Variants in BZW2 observed in about 807,000 individuals in gnomAD.
The protein encoded by BZW2 is eIF5-mimic protein 1.
A neutral mutation model predicts 53.2 loss-of-function variants in BZW2; 23 were observed. The ratio of observed to expected loss-of-function variants is 0.43; its 90% CI spans 0.31 to 0.61. BZW2 has a LOEUF of 0.61. Among genes scored for constraint, BZW2 ranks in the 20% least tolerant of loss-of-function variants. The pLI is 0.09. For synonymous variants in BZW2, 227 were observed against 186.4 expected (o/e 1.22, Z -1.77); for missense variants, 409 against 503.1 (o/e 0.81, Z 1.79).
intron 1 of BZW2, among the ~76,000 whole-genome samples, chr7:16,661,565 A>G (rs899601140): frequency 3.9e-5 from 6 of 152,198 alleles, no homozygotes; most frequent in Non-Finnish European, 1.5e-5. Flanking sequence ...TTCAATTTAC[A>G]CTTAAAATAG....
intron 1 of BZW2, among the ~76,000 whole-genome samples, chr7:16,656,401 C>T (rs181537841): frequency 5.9e-5 from 9 of 152,230 alleles, no homozygotes; most frequent in African/African-American, 2.2e-4. Flanking sequence ...AAGTGTAAAA[C>T]ATCTGGAGTT....
rs754753791 is a variant in BZW2 at position 16,674,486 on chromosome 7, C to G, written c.133C>G (p.Leu45Val). 6.2e-7 allele frequency: 1 copy of G among 1,613,614 alleles called. No individual in the cohort carries two copies. Among genetic ancestry groups the G allele is most frequent in the Non-Finnish European group, 8.5e-7 (1 of 1,179,710 alleles). The part of the protein sequence containing the change: ...VQGLNEAGDD[L>V]EAVAKFLDST... ...GGGGCTTAATGAGGCTGGTGATGAC[C>G]TTGAAGCTGTAGCCAAATTTCTGGA... Residue 45 changes from leucine to valine, a missense_variant, in exon 3 of 12, where the codon CTT becomes GTT. Around this residue, in one of 3 missense-constraint regions of BZW2, gnomAD observed 316 missense variants for 366.8 expected, o/e 0.86. Coordinates refer to ENST00000258761, the MANE Select transcript of BZW2 (RefSeq NM_014038.3).
intron 3 of BZW2, among the ~76,000 whole-genome samples, chr7:16,677,648 G>T (rs1782808196): frequency 6.6e-6 from 1 of 152,144 alleles, no homozygotes; most frequent in Admixed American, 6.5e-5. Context: ...TTCGATTCTG[G>T]AAGAGACAAA....
chr7:16,697,570 T>A (rs1048892331), intron 9 of BZW2, among the ~76,000 whole-genome samples: 1 of 152,190 alleles, frequency 6.6e-6, no homozygotes, highest in Non-Finnish European at 1.5e-5. Context: ...GAGATAAGTA[T>A]TGAATTGAGT....
intron 7 of BZW2, among the ~76,000 whole-genome samples, chr7:16,690,759 G>A (rs757843025): frequency 2.6e-4 from 39 of 152,162 alleles, no homozygotes; most frequent in Non-Finnish European, 4.9e-4. Flanking sequence ...CCATCTTTGT[G>A]TTTTTCTAAG....
intron 2 of BZW2, among the ~76,000 whole-genome samples, chr7:16,669,827 T>C (rs547968141): frequency 6.6e-6 from 1 of 152,220 alleles, no homozygotes; most frequent in Non-Finnish European, 1.5e-5. Context: ...ACAGTTTAAA[T>C]TGGAGACCCT....
intron 4 of BZW2, 104 bp downstream of exon 4, chr7:16,681,508 T>G: frequency 1.0e-6 from 1 of 953,370 alleles, no homozygotes; most frequent in Admixed American, 2.7e-5. Context: ...TAGAAAGCCT[T>G]TAAACTTATG....
chr7:16,666,306 G>A (rs1372708333), intron 2 of BZW2, among the ~76,000 whole-genome samples: 1 of 151,972 alleles, frequency 6.6e-6, no homozygotes, highest in Admixed American at 6.6e-5. Flanking sequence ...CAAACTCCTG[G>A]CCTCAAGCAG....
At chr7:16,699,390 C>T (rs1053072751) in intron 10 of BZW2, among the ~76,000 whole-genome samples, 3 of 152,134 alleles carry the variant, frequency 2.0e-5, no homozygotes, top group Non-Finnish European at 4.4e-5. Context: ...ATAGATGGTA[C>T]CCAGCAGCCA....
chr7:16,679,981 G>A (rs527386502), intron 3 of BZW2, among the ~76,000 whole-genome samples: 3 of 152,242 alleles, frequency 2.0e-5, no homozygotes, highest in African/African-American at 7.2e-5. Context: ...GAAGAAAAAG[G>A]CATCTAATCT....
intron 11 of BZW2, among the ~76,000 whole-genome samples, chr7:16,705,520 C>T (rs1307430133): frequency 6.6e-6 from 1 of 151,352 alleles, no homozygotes; most frequent in African/African-American, 2.4e-5. Context: ...CGTGTCTCTA[C>T]TAAAAATATA....
At position 16,681,332 on chromosome 7, in the gene BZW2, C is replaced by G; in HGVS notation, c.267C>G (p.Asp89Glu). 1.2e-6 allele frequency: 2 copies of G among 1,614,024 alleles called. No individual in the cohort carries two copies. Among genetic ancestry groups the G allele is most frequent in the South Asian group, 2.2e-5 (2 of 91,080 alleles). ...APGGTRIDDG[D>E]KTKMTNHCVF... is the part of the protein sequence containing the mutation. Reference sequence around the variant, plus strand: ...GAGGAACGCGCATAGATGATGGTGACAAGACCAAGATGACCAACCACTGTG... The same window carrying G: ...GAGGAACGCGCATAGATGATGGTGAGAAGACCAAGATGACCAACCACTGTG... The change falls in exon 4 of 12, where the codon GAC (aspartate) becomes GAG (glutamate). Residue 89 changes from aspartate (D) to glutamate (E), a missense_variant. Physicochemically the swap from Asp to Glu is conservative, Grantham distance 45 (BLOSUM62 2). Coordinates refer to ENST00000258761, the MANE Select transcript of BZW2 (RefSeq NM_014038.3).
intron 1 of BZW2, among the ~76,000 whole-genome samples, chr7:16,659,639 GT>G (rs1365554185): frequency 6.6e-5 from 10 of 151,944 alleles, no homozygotes; most frequent in Non-Finnish European, 1.5e-4. Flanking sequence ...AATTTTTAAA[GT>G]TTATTTTAAT....
At position 16,674,553 on chromosome 7, in the gene BZW2, C is replaced by T. The variant is rs1449809604; in HGVS notation, c.200C>T (p.Thr67Ile). ...SRLDYRRYAD[T>I]LFDILVAGSM... ...TTAGATTATCGTCGCTATGCAGACACACTCTTCGATATCCTGGTGGCTGGC... is the reference window on the plus strand; with the variant it reads ...TTAGATTATCGTCGCTATGCAGACATACTCTTCGATATCCTGGTGGCTGGC... The change falls in exon 3 of 12, where the codon ACA (threonine) becomes ATA (isoleucine). Residue 67 changes from threonine to isoleucine, a missense_variant. Around this residue, in one of 3 missense-constraint regions of BZW2, gnomAD observed 316 missense variants for 366.8 expected, o/e 0.86. Transcript: ENST00000258761. The T allele has an allele frequency of 6.2e-7, 1 of 1,608,846 alleles. No individual in the cohort carries two copies. The highest frequency in any genetic ancestry group is 8.5e-7 in the Non-Finnish European group (1 of 1,177,112).
chr7:16,704,546 G>T lies in BZW2; in HGVS notation c.1109-1G>T. On this transcript the variant is annotated splice_acceptor_variant, in intron 10 of 11. Coordinates refer to ENST00000258761, the MANE Select transcript of BZW2 (RefSeq NM_014038.3). LOFTEE classifies it high-confidence loss of function. ...TTGAAATCTTTGATTTAAAATTGCAGCTGATGTTCTGAGCGAAGAAGCAAT... is the reference window on the plus strand; with the variant it reads ...TTGAAATCTTTGATTTAAAATTGCATCTGATGTTCTGAGCGAAGAAGCAAT... The T allele has an allele frequency of 1.3e-6, 2 of 1,521,264 alleles. No homozygotes were observed. The highest frequency in any genetic ancestry group is 1.8e-6 in the Non-Finnish European group (2 of 1,115,794). 94.2% of individuals were successfully genotyped at this position (1,521,264 alleles called of 1,614,324 possible). A position where few individuals can be genotyped will look rare whatever the true frequency, so the allele number is the denominator to read the frequency against.
chr7:16,663,145 A>G (rs571386750), intron 1 of BZW2, among the ~76,000 whole-genome samples: 27 of 152,304 alleles, frequency 1.8e-4, no homozygotes, highest in Admixed American at 3.9e-4. Context: ...ACATCCATCA[A>G]ATGAAATGGG....
intron 1 of BZW2, among the ~76,000 whole-genome samples, chr7:16,661,885 T>C (rs1353237566): frequency 2.0e-5 from 3 of 152,196 alleles, no homozygotes; most frequent in Non-Finnish European, 4.4e-5. Context: ...CATGGGGATT[T>C]GTCTCTGAGG....
intron 1 of BZW2, among the ~76,000 whole-genome samples, chr7:16,647,787 C>A (rs997556245): frequency 2.6e-5 from 4 of 152,172 alleles, no homozygotes; most frequent in African/African-American, 9.7e-5. Flanking sequence ...TGAGTGGTAA[C>A]CTCCTGGAAC....
At chr7:16,700,535 T>TG (rs1260770912) in intron 10 of BZW2, among the ~76,000 whole-genome samples, 6 of 152,200 alleles carry the variant, frequency 3.9e-5, no homozygotes, top group Non-Finnish European at 8.8e-5. Flanking sequence ...CCCAGAGAGC[T>TG]TGTTATAAAA....
Sources: allele counts gnomAD v4.1 joint callset (sites outside exome capture counted in the v4.1 genomes callset), GRCh38; gene constraint gnomAD v4.1.1; regional missense constraint gnomAD v4.1.1; transcripts MANE v1.5; gene names NCBI Gene and HGNC (gene_info 2026-07-23, HGNC 2026-07-21).